Variants in KRAS observed in about 807,000 individuals in gnomAD.
The protein encoded by KRAS is KRas proto-oncogene, GTPase, also known as GTPase KRas.
In KRAS, 1 loss-of-function variant was observed where a neutral mutation model predicts 21.0. That is an observed-to-expected ratio of 0.05 (90% CI 0.02 to 0.23). KRAS has a LOEUF of 0.23. Ranked by LOEUF, KRAS falls within the 10% of genes least tolerant of loss-of-function variation. The probability of loss-of-function intolerance (pLI) is 1.00; values close to 1 mark genes in which losing one functional copy is unlikely to be tolerated. For missense variants in KRAS, 107 were observed against 221.8 expected (o/e 0.48, Z 3.29); for synonymous variants, 67 against 72.5 (o/e 0.92, Z 0.39).
At chr12:25,237,619 C>A (rs1248463092) in intron 2 of KRAS, among the ~76,000 whole-genome samples, 3 of 152,164 alleles carry the variant, frequency 2.0e-5, no homozygotes, top group African/African-American at 7.2e-5. Flanking sequence ...CGAAGAACTT[C>A]ACTTATTTGT....
intron 2 of KRAS, among the ~76,000 whole-genome samples, chr12:25,232,952 T>C (rs192009363): frequency 6.6e-6 from 1 of 152,358 alleles, no homozygotes; most frequent in African/African-American, 2.4e-5. Context: ...TGGGAAATTA[T>C]GCTAAGAAAA....
chr12:25,245,454 T>A, intron 1 of KRAS, 59 bp from the exon 2 acceptor site: 1 of 1,489,180 alleles, frequency 6.7e-7, no homozygotes. Flanking sequence ...ATAAGGTTAA[T>A]ACACTATCAA....
rs1309688757 is a variant in KRAS, at chr12:25,205,651, C to T, written c.*4144G>A. 1.8e-5 allele frequency: 4 copies of T among 224,198 alleles called. No homozygotes were observed. The highest frequency in any genetic ancestry group is 3.6e-5 in the Non-Finnish European group (4 of 112,336). The allele number at this position is 224,198 out of a possible 1,614,324, so 13.9% of individuals were successfully genotyped here. ...ACAAGACAGTGGAATTGGAAACTTT[C>T]GGATAAAACACTGTAACCCAGTTAG... is the stretch of plus-strand genomic sequence containing the variant. On this transcript the variant is annotated 3_prime_UTR_variant, in exon 5 of 5. Transcript: ENST00000311936.
chr12:25,228,144 G>A (rs1459082528), intron 2 of KRAS, among the ~76,000 whole-genome samples: 1 of 150,478 alleles, frequency 6.6e-6, no homozygotes, highest in African/African-American at 2.4e-5. Context: ...AATGCTCACT[G>A]GAGCATTTGA....
intron 2 of KRAS, among the ~76,000 whole-genome samples, chr12:25,232,436 TTC>T (rs1190826779): frequency 1.3e-5 from 2 of 152,192 alleles, no homozygotes; most frequent in Non-Finnish European, 2.9e-5. Flanking sequence ...ATATTATTTA[TTC>T]TCTTTATATA....
At chr12:25,241,924 T>C (rs1268286698) in intron 2 of KRAS, among the ~76,000 whole-genome samples, 2 of 152,230 alleles carry the variant, frequency 1.3e-5, no homozygotes, top group African/African-American at 4.8e-5. Context: ...ACATAAGGCT[T>C]TTCTTATACC....
chr12:25,236,693 C>T (rs566163959), intron 2 of KRAS, among the ~76,000 whole-genome samples: 6 of 151,710 alleles, frequency 4.0e-5, no homozygotes, highest in African/African-American at 1.5e-4. Flanking sequence ...AGATGAGCTA[C>T]GAATTATTAC....
chr12:25,216,898 ATAT>A (rs1304846992), intron 4 of KRAS, among the ~76,000 whole-genome samples: 3 of 152,198 alleles, frequency 2.0e-5, no homozygotes, highest in Non-Finnish European at 4.4e-5. Flanking sequence ...AAAAGATGTA[ATAT>A]TATGTTCATT....
chr12:25,212,060 C>T (rs928723016), intron 4 of KRAS, among the ~76,000 whole-genome samples: 1 of 152,082 alleles, frequency 6.6e-6, no homozygotes, highest in Admixed American at 6.5e-5. Flanking sequence ...GGAAAATTTC[C>T]AATGATACAA....
At chr12:25,223,246 A>C (rs1951350448) in intron 4 of KRAS, among the ~76,000 whole-genome samples, 1 of 152,204 alleles carries the variant, frequency 6.6e-6, no homozygotes, top group Admixed American at 6.5e-5. Flanking sequence ...CAATGGTAGA[A>C]TCTAGGTAGT....
chr12:25,223,969 C>T (rs949282986), intron 4 of KRAS, among the ~76,000 whole-genome samples: 3 of 152,030 alleles, frequency 2.0e-5, no homozygotes, highest in Non-Finnish European at 4.4e-5. Context: ...TTTTGGTCCA[C>T]AGGAGATTGC....
chr12:25,230,871 G>A (rs543569440), intron 2 of KRAS, among the ~76,000 whole-genome samples: 1 of 152,172 alleles, frequency 6.6e-6, no homozygotes, highest in South Asian at 2.1e-4. Context: ...GTAGAGATTT[G>A]AGCATTCAGT....
At chr12:25,211,910 CAT>C (rs1375619385) in intron 4 of KRAS, among the ~76,000 whole-genome samples, 2 of 152,170 alleles carry the variant, frequency 1.3e-5, no homozygotes, top group Non-Finnish European at 2.9e-5. Context: ...ACTACACAAA[CAT>C]ATGCTTTTGT....
intron 4 of KRAS, among the ~76,000 whole-genome samples, chr12:25,213,095 A>C (rs1350914706): frequency 6.6e-6 from 1 of 152,114 alleles, no homozygotes; most frequent in Non-Finnish European, 1.5e-5. Context: ...ATTGTATTTA[A>C]TTTTAAATTT....
intron 4 of KRAS, among the ~76,000 whole-genome samples, chr12:25,223,002 T>C (rs1430453660): frequency 1.3e-5 from 2 of 152,194 alleles, no homozygotes; most frequent in Non-Finnish European, 2.9e-5. Flanking sequence ...AGGAGTTTGT[T>C]AGAAATGCAG....
chr12:25,212,424 G>A (rs773604699), intron 4 of KRAS, among the ~76,000 whole-genome samples: 8 of 152,084 alleles, frequency 5.3e-5, no homozygotes, highest in Non-Finnish European at 1.0e-4. Flanking sequence ...ACATCATCTT[G>A]TTAAAATTAA....
In KRAS at chr12:25,209,044, T is replaced by C. The variant is rs184195260; in HGVS notation, c.*751A>G. On this transcript the variant is annotated 3_prime_UTR_variant, in exon 5 of 5. Transcript: ENST00000311936. ...GCATGTAAATATAGCCCCAAAATGG[T>C]TGCTATAATAATCCCCATTTCATAC... is the stretch of plus-strand genomic sequence containing the variant. The C allele has an allele frequency of 1.3e-5, 5 of 397,924 alleles. No homozygotes were observed. The Admixed American group carries it at 2.1e-4, about 17-fold the overall frequency. 24.6% of individuals were successfully genotyped at this position (397,924 alleles called of 1,614,324 possible).
chr12:25,220,532 T>C (rs555265936), intron 4 of KRAS, among the ~76,000 whole-genome samples: 1 of 151,710 alleles, frequency 6.6e-6, no homozygotes, highest in Admixed American at 6.6e-5. Context: ...ATTGAGACCA[T>C]ATTGGCCAAC....
At chr12:25,234,882 T>C in intron 2 of KRAS, 1 of 228,800 alleles carries the variant, frequency 4.4e-6, no homozygotes, top group Non-Finnish European at 8.6e-6. Context: ...AAACAATATA[T>C]ACATTCCAAG....
Sources: allele counts gnomAD v4.1 joint callset (sites outside exome capture counted in the v4.1 genomes callset), GRCh38; gene constraint gnomAD v4.1.1; transcripts MANE v1.5; gene names NCBI Gene and HGNC (gene_info 2026-07-23, HGNC 2026-07-21).